MERTK: variants seen among roughly 807,000 people sequenced by gnomAD.
The protein encoded by MERTK is MER proto-oncogene, tyrosine kinase.
MERTK carries 69 observed loss-of-function variants against 99.3 expected under a neutral mutation model. The observed-to-expected ratio is 0.70, with a 90% confidence interval of 0.57 to 0.85. The LOEUF is 0.85. Ranked by LOEUF, MERTK falls within the 40% of genes least tolerant of loss-of-function variation. MERTK has a pLI of 0.00. For synonymous variants in MERTK, 426 were observed against 467.6 expected (o/e 0.91, Z 1.15); for missense variants, 1,125 against 1,249.4 (o/e 0.90, Z 1.50).
intron 8 of MERTK, among the ~76,000 whole-genome samples, chr2:111,987,784 A>G (rs1676516256): frequency 6.6e-6 from 1 of 152,224 alleles, no homozygotes; most frequent in Admixed American, 6.5e-5. Flanking sequence ...GAAGTTCAAC[A>G]GAAAATAACT....
intron 18 of MERTK, among the ~76,000 whole-genome samples, chr2:112,025,974 C>T (rs1286048065): frequency 1.3e-5 from 2 of 152,200 alleles, no homozygotes; most frequent in African/African-American, 2.4e-5. Flanking sequence ...CAATACAGCC[C>T]ATGGCAACCT....
At chr2:111,932,587 A>G (rs1434283322) in intron 2 of MERTK, among the ~76,000 whole-genome samples, 1 of 152,212 alleles carries the variant, frequency 6.6e-6, no homozygotes, top group Non-Finnish European at 1.5e-5. Context: ...CAGTAGTTGT[A>G]CAGTGATTCA....
At chr2:111,947,610 G>T (rs17042096) in intron 4 of MERTK, 43 bp downstream of exon 4, 1 of 1,608,914 alleles carries the variant, frequency 6.2e-7, no homozygotes, top group South Asian at 1.1e-5. Flanking sequence ...CTCTAATAGC[G>T]GACAGGATCA....
chr2:111,951,198 C>G (rs2104707977), intron 4 of MERTK, among the ~76,000 whole-genome samples: 1 of 151,992 alleles, frequency 6.6e-6, no homozygotes, highest in East Asian at 1.9e-4. Flanking sequence ...CACTTAAGAT[C>G]TACCCTCTTA....
At chr2:111,961,156 C>CTTTTTTTTTT (rs1052197732) in intron 4 of MERTK, among the ~76,000 whole-genome samples, 5 of 98,054 alleles carry the variant, frequency 5.1e-5, no homozygotes, top group African/African-American at 1.2e-4. Context: ...AATTTTCTTT[C>CTTTTTTTTTT]TTTTTTTTTT....
rs1683970972 is a variant in MERTK at position 111,898,676 on chromosome 2, G to C, written c.-60G>C. 6.4e-7 allele frequency: 1 copy of C among 1,566,110 alleles called. No homozygotes were observed. ...GGCGCGCTTGGCCGGCGACAGGACAGGTTCGGGACGTCCATCTGTCCATCC... is the reference window on the plus strand; with the variant it reads ...GGCGCGCTTGGCCGGCGACAGGACACGTTCGGGACGTCCATCTGTCCATCC... On this transcript the variant is annotated 5_prime_UTR_variant, in exon 1 of 19. Coordinates refer to ENST00000295408, the MANE Select transcript of MERTK (RefSeq NM_006343.3).
chr2:111,991,487 A>C (rs535707866), intron 8 of MERTK, among the ~76,000 whole-genome samples: 1 of 152,224 alleles, frequency 6.6e-6, no homozygotes, highest in South Asian at 2.1e-4. Flanking sequence ...CAGCCTCCCA[A>C]AGTGCTGGGA....
chr2:112,023,717 A>C (rs1677404468), intron 18 of MERTK, among the ~76,000 whole-genome samples: 1 of 152,174 alleles, frequency 6.6e-6, no homozygotes, highest in South Asian at 2.1e-4. Context: ...GGTGATTTGA[A>C]CCTTCCTAAT....
chr2:111,972,063 G>T (rs1196366123), intron 6 of MERTK, among the ~76,000 whole-genome samples: 1 of 151,988 alleles, frequency 6.6e-6, no homozygotes, highest in African/African-American at 2.4e-5. Context: ...AGAGTTTCGC[G>T]CTTATTGCCC....
intron 6 of MERTK, among the ~76,000 whole-genome samples, chr2:111,974,771 A>T (rs953558296): frequency 6.9e-5 from 9 of 130,926 alleles, no homozygotes; most frequent in African/African-American, 2.7e-4. Flanking sequence ...GTCCATCTCA[A>T]AAAAAAAAAA....
At chr2:111,992,302 G>T (rs1245486555) in intron 8 of MERTK, among the ~76,000 whole-genome samples, 4 of 152,064 alleles carry the variant, frequency 2.6e-5, no homozygotes, top group Non-Finnish European at 5.9e-5. Context: ...CTCCATGAAA[G>T]GCCCATGAGG....
chr2:111,901,224 A>C (rs934605866), intron 1 of MERTK, among the ~76,000 whole-genome samples: 3 of 152,192 alleles, frequency 2.0e-5, no homozygotes, highest in Admixed American at 1.3e-4. Context: ...GAGCAAGATA[A>C]ATATAAATGT....
chr2:111,954,114 A>G (rs1183269216), intron 4 of MERTK, among the ~76,000 whole-genome samples: 2 of 152,110 alleles, frequency 1.3e-5, no homozygotes, highest in Non-Finnish European at 2.9e-5. Flanking sequence ...ATGACTCCCC[A>G]CTACATGCAG....
In MERTK at chr2:112,019,400, C is replaced by T. The variant is rs542324371; in HGVS notation, c.2080-13C>T. 1.9e-6 allele frequency: 3 copies of T among 1,585,848 alleles called. No homozygotes were observed. In the South Asian group the frequency reaches 3.3e-5, roughly 18 times the overall value. ...AAAAGATAGTCTTTCTTCTTGTTTCCTCTATCATCTAGCATATTCCTCTGC... is the reference window on the plus strand; with the variant it reads ...AAAAGATAGTCTTTCTTCTTGTTTCTTCTATCATCTAGCATATTCCTCTGC... On this transcript the variant is annotated splice_polypyrimidine_tract_variant and intron_variant, in intron 15 of 18. Transcript: ENST00000295408.
intron 2 of MERTK, among the ~76,000 whole-genome samples, chr2:111,944,537 C>CTG (rs1558781453): frequency 2.0e-5 from 3 of 151,830 alleles, no homozygotes; most frequent in Admixed American, 1.3e-4. Context: ...GGAATTAGCT[C>CTG]ACACACAGTG....
chr2:112,024,241 GTTTC>G (rs1677417876), intron 18 of MERTK, among the ~76,000 whole-genome samples: 1 of 152,204 alleles, frequency 6.6e-6, no homozygotes, highest in Non-Finnish European at 1.5e-5. Context: ...TTTTGTTGCA[GTTTC>G]TTTCTGAGCT....
intron 8 of MERTK, among the ~76,000 whole-genome samples, chr2:111,985,104 GGGA>G (rs1676449566): frequency 6.6e-6 from 1 of 152,180 alleles, no homozygotes; most frequent in African/African-American, 2.4e-5. Flanking sequence ...AAAAGGCAAA[GGGA>G]ATCTATGTGT....
intron 15 of MERTK, among the ~76,000 whole-genome samples, chr2:112,017,131 CTGCTGATTAGTCCATTTTACAGAG>C (rs1046646949): frequency 6.6e-6 from 1 of 152,214 alleles, no homozygotes; most frequent in Non-Finnish European, 1.5e-5. Context: ...CACCCACATC[CTGCTGATTAGTCCATTTTACAGAG>C]TGCTGATTGG....
At chr2:111,995,002 A>T (rs972284691) in intron 9 of MERTK, 3 of 174,408 alleles carry the variant, frequency 1.7e-5, no homozygotes, top group Admixed American at 1.1e-4. Context: ...ACTGTACATG[A>T]CTGAATTTTA....
Sources: gnomAD v4.1 joint callset for allele counts (sites outside exome capture counted in the v4.1 genomes callset) on GRCh38, gnomAD v4.1.1 for gene constraint, MANE v1.5 for transcripts, NCBI Gene and HGNC (gene_info 2026-07-23, HGNC 2026-07-21) for gene names.